Variants in RYR2 observed in about 807,000 individuals in gnomAD.
RYR2 encodes cardiac muscle ryanodine receptor-calcium release channel.
A neutral mutation model predicts 601.1 loss-of-function variants in RYR2; 227 were observed. The observed-to-expected ratio is 0.38, with a 90% CI of 0.34 to 0.42. RYR2 has a LOEUF of 0.42. RYR2 is among the 10% of genes least tolerant of loss of function. The pLI is 1.00. For synonymous variants in RYR2, 2,223 were observed against 2,175.1 expected, an observed-to-expected ratio of 1.02 and a Z score of -0.61; for missense variants, 4,646 against 6,156.5, an observed-to-expected ratio of 0.75 and a Z score of 8.21.
chr1:237,340,103 G>A (rs1052466764), intron 3 of RYR2, among the ~76,000 whole-genome samples: 1 of 152,168 alleles, frequency 6.6e-6, no homozygotes, highest in African/African-American at 2.4e-5. Context: ...TACATAGTTA[G>A]CATCTGTATG....
intron 29 of RYR2, among the ~76,000 whole-genome samples, chr1:237,586,203 G>A (rs186745456): frequency 1.1e-4 from 17 of 152,078 alleles, no homozygotes; most frequent in African/African-American, 3.4e-4. Context: ...TTCTTCAATC[G>A]TCAATTATTT....
intron 73 of RYR2, among the ~76,000 whole-genome samples, chr1:237,720,544 T>TCC (rs1240319238): frequency 7.9e-5 from 12 of 152,344 alleles, no homozygotes; most frequent in African/African-American, 2.9e-4. Context: ...TTTTAAAAGT[T>TCC]TATAAAGCCT....
intron 3 of RYR2, chr1:237,352,892 ACTCC>A (rs1342605421): frequency 3.9e-6 from 2 of 512,568 alleles, no homozygotes; most frequent in Non-Finnish European, 7.8e-6. Flanking sequence ...ACAACTCTTA[ACTCC>A]CTCCCTACCA....
At chr1:237,349,546 G>T (rs764807093) in intron 3 of RYR2, among the ~76,000 whole-genome samples, 1 of 152,076 alleles carries the variant, frequency 6.6e-6, no homozygotes, top group African/African-American at 2.4e-5. Flanking sequence ...CAAAATAATC[G>T]TATTAATGCC....
At chr1:237,168,474 A>G (rs1676959287) in intron 1 of RYR2, among the ~76,000 whole-genome samples, 1 of 151,992 alleles carries the variant, frequency 6.6e-6, no homozygotes, top group Non-Finnish European at 1.5e-5. Context: ...GGAGTCTTCT[A>G]TTTCTTAAGA....
At chr1:237,552,132 A>G (rs1392254445) in intron 27 of RYR2, among the ~76,000 whole-genome samples, 1 of 152,204 alleles carries the variant, frequency 6.6e-6, no homozygotes, top group Non-Finnish European at 1.5e-5. Context: ...TTCTAACAAC[A>G]GAGATGTGGT....
intron 1 of RYR2, among the ~76,000 whole-genome samples, chr1:237,175,883 A>G (rs1339357717): frequency 1.3e-5 from 2 of 152,200 alleles, no homozygotes; most frequent in African/African-American, 2.4e-5. Flanking sequence ...GCTCCATAGC[A>G]TCAGCTCTGA....
At chr1:237,574,008 A>G (rs909012177) in intron 29 of RYR2, among the ~76,000 whole-genome samples, 2 of 152,044 alleles carry the variant, frequency 1.3e-5, no homozygotes, top group African/African-American at 4.8e-5. Flanking sequence ...CCACGCTTAC[A>G]TGGTCAAGAT....
chr1:237,147,773 A>G (rs887336325), intron 1 of RYR2, among the ~76,000 whole-genome samples: 1 of 152,250 alleles, frequency 6.6e-6, no homozygotes, highest in African/African-American at 2.4e-5. Context: ...GCGATCCCGC[A>G]ACACTGTGGC....
intron 5 of RYR2, among the ~76,000 whole-genome samples, chr1:237,367,686 C>A (rs1264053645): frequency 7.2e-5 from 11 of 152,144 alleles, no homozygotes. Flanking sequence ...ATATTTTGTA[C>A]CTTCCATGGT....
chr1:237,159,805 A>T (rs1432005859), intron 1 of RYR2, among the ~76,000 whole-genome samples: 1 of 152,224 alleles, frequency 6.6e-6, no homozygotes, highest in Admixed American at 6.5e-5. Flanking sequence ...GGGAAATAAA[A>T]CATACAAATC....
At chr1:237,507,818 G>A (rs1422970229) in intron 23 of RYR2, among the ~76,000 whole-genome samples, 1 of 152,232 alleles carries the variant, frequency 6.6e-6, no homozygotes, top group Non-Finnish European at 1.5e-5. Context: ...GGTTTTCTAA[G>A]ACAGAATTTA....
At chr1:237,122,210 C>T (rs1311610525) in intron 1 of RYR2, among the ~76,000 whole-genome samples, 1 of 152,218 alleles carries the variant, frequency 6.6e-6, no homozygotes, top group African/African-American at 2.4e-5. Flanking sequence ...AGCAACCCAC[C>T]GGGATGCGCC....
At chr1:237,299,158 A>G (rs1023792685) in intron 2 of RYR2, among the ~76,000 whole-genome samples, 7 of 142,626 alleles carry the variant, frequency 4.9e-5, no homozygotes, top group Middle Eastern at 4.0e-3. Context: ...TCATAGTTCT[A>G]CATAGGTTTT....
chr1:237,648,402 A>G (rs1417447380), intron 48 of RYR2, 42 bp from the exon 49 acceptor site: 45 of 1,536,516 alleles, frequency 2.9e-5, no homozygotes, highest in Non-Finnish European at 4.0e-5. Flanking sequence ...TATCCTGTAT[A>G]TGACACAGCC....
At chr1:237,572,006 A>G (rs1672750765) in intron 29 of RYR2, among the ~76,000 whole-genome samples, 2 of 152,186 alleles carry the variant, frequency 1.3e-5, no homozygotes, top group South Asian at 4.1e-4. Context: ...ACTACTGACC[A>G]TAGTCACCCT....
rs187326299 is a variant in RYR2, at chr1:237,394,270, A to G, written c.773+6087A>G. On this transcript the variant is annotated intron_variant, in intron 10 of 104. Coordinates refer to ENST00000366574, the MANE Select transcript of RYR2 (RefSeq NM_001035.3). ...TTGTTTTTCTGCTCTAGTCCTACCT[A>G]CATGATTCTTTCAATGGTGATTCAA... 1.2e-3 allele frequency among the ~76,000 whole-genome samples: 183 copies of G among 152,346 alleles called. 1 individual carries two copies. The East Asian group carries it at 0.027, about 22-fold the overall frequency.
Position 237,628,175 on chromosome 1 carries a change from A to G in RYR2, c.6440+95A>G, listed in dbSNP as rs1206145467. 2.3e-6 allele frequency: 3 copies of G among 1,312,160 alleles called. No individual in the cohort carries two copies. The Admixed American group carries it at 7.4e-5, about 32-fold the overall frequency. 81.3% of individuals were successfully genotyped at this position (1,312,160 alleles called of 1,614,324 possible). On this transcript the variant is annotated intron_variant, in intron 41 of 104. Coordinates refer to ENST00000366574, the MANE Select transcript of RYR2 (RefSeq NM_001035.3). ...ACATTAACTACATTGATAAAAATAT[A>G]TTGTCTGGATTATACGATTATTATA... is the stretch of plus-strand genomic sequence containing the variant.
intron 29 of RYR2, among the ~76,000 whole-genome samples, chr1:237,576,421 A>G (rs1431044404): frequency 6.6e-6 from 1 of 152,190 alleles, no homozygotes; most frequent in African/African-American, 2.4e-5. Context: ...CAAATGGCAT[A>G]AAGTAGAGAT....
Sources: allele counts gnomAD v4.1 joint callset (sites outside exome capture counted in the v4.1 genomes callset), GRCh38; gene constraint gnomAD v4.1.1; transcripts MANE v1.5; gene names NCBI Gene and HGNC (gene_info 2026-07-23, HGNC 2026-07-21).